The following SBF2 variants were observed in gnomAD, a reference collection of about 807,000 sequenced individuals.
SBF2 encodes the protein myotubularin-related protein 13.
In SBF2, 112 loss-of-function variants were observed where a neutral mutation model predicts 225.2. The observed-to-expected ratio is 0.50, with a 90% confidence interval of 0.43 to 0.58. SBF2 has a LOEUF of 0.58. Ranked by LOEUF, SBF2 falls within the 20% of genes least tolerant of loss-of-function variation. SBF2 has a pLI of 0.00. For missense variants in SBF2, 1,996 were observed against 2,206.2 expected, an observed-to-expected ratio of 0.90 and a Z score of 1.91; for synonymous variants, 763 against 773.3, an observed-to-expected ratio of 0.99 and a Z score of 0.22.
Position 9,828,479 on chromosome 11 carries a change from G to A in SBF2, c.3793+877C>T, listed in dbSNP as rs931170702. 3.3e-5 allele frequency: 33 copies of A among 985,278 alleles called. No homozygotes were observed. The African/African-American group carries it at 5.1e-4, about 15-fold the overall frequency. The allele number at this position is 985,278 out of a possible 1,614,324, so 61.0% of individuals were successfully genotyped here. A position where few individuals can be genotyped will look rare whatever the true frequency, so the allele number is the denominator to read the frequency against. On this transcript the variant is annotated intron_variant, in intron 28 of 39. Transcript: ENST00000256190. Reference sequence around the variant, plus strand: ...ATAAATGGAGCAAGGCATGCATGGTGTTATTTTACAAGAAAAGCCACTTTC... The same window carrying A: ...ATAAATGGAGCAAGGCATGCATGGTATTATTTTACAAGAAAAGCCACTTTC...
At chr11:9,841,975 G>C (rs1856190287) in intron 25 of SBF2, among the ~76,000 whole-genome samples, 1 of 151,976 alleles carries the variant, frequency 6.6e-6, no homozygotes, top group African/African-American at 2.4e-5. Context: ...CTAAGATCCT[G>C]AGGGGAAAAA....
chr11:9,903,713 A>G (rs1454367688), intron 16 of SBF2, among the ~76,000 whole-genome samples: 1 of 152,198 alleles, frequency 6.6e-6, no homozygotes, highest in Non-Finnish European at 1.5e-5. Flanking sequence ...CCCCTTTCCC[A>G]TGATTCTTCC....
intron 1 of SBF2, among the ~76,000 whole-genome samples, chr11:10,236,966 C>A (rs183717431): frequency 2.6e-4 from 39 of 152,048 alleles, no homozygotes; most frequent in African/African-American, 8.9e-4. Flanking sequence ...AAAAAGAAAA[C>A]CAAAAGATAA....
chr11:10,292,551 C>G (rs895898724), intron 1 of SBF2, among the ~76,000 whole-genome samples: 5 of 151,790 alleles, frequency 3.3e-5, no homozygotes, highest in African/African-American at 1.2e-4. Flanking sequence ...TGTTGGCGGG[C>G]GCCTGTAAAT....
chr11:10,093,423 A>G (rs1029868874), intron 2 of SBF2, among the ~76,000 whole-genome samples: 1 of 151,980 alleles, frequency 6.6e-6, no homozygotes, highest in Non-Finnish European at 1.5e-5. Context: ...CCAATCTTGA[A>G]AGAATAAGCT....
At chr11:9,955,799 T>C (rs952419760) in intron 16 of SBF2, among the ~76,000 whole-genome samples, 7 of 152,096 alleles carry the variant, frequency 4.6e-5, no homozygotes, top group South Asian at 2.1e-4. Flanking sequence ...AAGATCCCCA[T>C]GTTTACTGCC....
chr11:9,922,813 C>G (rs898487299), intron 16 of SBF2, among the ~76,000 whole-genome samples: 1 of 152,084 alleles, frequency 6.6e-6, no homozygotes, highest in African/African-American at 2.4e-5. Flanking sequence ...CAATTATAAC[C>G]TTTTACCTCC....
At chr11:10,064,640 C>T (rs7950140) in intron 2 of SBF2, among the ~76,000 whole-genome samples, 78,337 of 151,956 alleles carry the variant, frequency 0.52, 20,617 homozygotes, top group Admixed American at 0.6. Flanking sequence ...AAAGTGGCTA[C>T]ATTAATATCA....
chr11:10,207,096 A>G (rs1392402207), intron 1 of SBF2, among the ~76,000 whole-genome samples: 1 of 152,158 alleles, frequency 6.6e-6, no homozygotes, highest in East Asian at 1.9e-4. Flanking sequence ...GAAAGAAGCC[A>G]GAGAGAAACA....
At chr11:10,187,302 T>C (rs925308113) in intron 2 of SBF2, among the ~76,000 whole-genome samples, 1 of 149,286 alleles carries the variant, frequency 6.7e-6, no homozygotes, top group African/African-American at 2.5e-5. Flanking sequence ...CTCTCCTTTT[T>C]CTCTCCTCTC....
At chr11:10,029,965 G>C (rs1949196417) in intron 4 of SBF2, 90 bp from the exon 5 acceptor site, 1 of 887,418 alleles carries the variant, frequency 1.1e-6, no homozygotes, top group African/African-American at 1.6e-5. Flanking sequence ...ATTTCTCTTT[G>C]AACCCAGTAA....
intron 3 of SBF2, among the ~76,000 whole-genome samples, chr11:10,036,888 T>C (rs1255714100): frequency 3.9e-5 from 6 of 152,224 alleles, no homozygotes. Context: ...TAAAATGAAA[T>C]AGTAACAATA....
At chr11:9,856,317 G>C in intron 19 of SBF2, 141 bp downstream of exon 19, 2 of 1,040,920 alleles carry the variant, frequency 1.9e-6, no homozygotes, top group Non-Finnish European at 3.0e-6. Context: ...GAAAAGCTGA[G>C]CAAGTCCAAA....
intron 1 of SBF2, among the ~76,000 whole-genome samples, chr11:10,223,428 T>TATAC (rs1306960579): frequency 8.7e-6 from 1 of 115,580 alleles, no homozygotes; most frequent in Admixed American, 8.5e-5. Context: ...TATATATATA[T>TATAC]ATATATATAT....
At chr11:9,828,884 T>C (rs973417188) in intron 28 of SBF2, among the ~76,000 whole-genome samples, 1 of 149,672 alleles carries the variant, frequency 6.7e-6, no homozygotes, top group Non-Finnish European at 1.5e-5. Context: ...CCTCTCCAAT[T>C]ACTCTTTTGA....
At chr11:10,098,748 A>C (rs1424000385) in intron 2 of SBF2, among the ~76,000 whole-genome samples, 1 of 151,532 alleles carries the variant, frequency 6.6e-6, no homozygotes, top group African/African-American at 2.4e-5. Context: ...GAACACCATA[A>C]ATGAAATAAA....
At chr11:10,133,826 G>A (rs1016488924) in intron 2 of SBF2, among the ~76,000 whole-genome samples, 4 of 152,214 alleles carry the variant, frequency 2.6e-5, no homozygotes, top group African/African-American at 9.6e-5. Context: ...GGTGCCGAGA[G>A]CAAGCGAGGG....
chr11:9,976,595 G>A (rs1324739610), intron 13 of SBF2, among the ~76,000 whole-genome samples: 2 of 151,890 alleles, frequency 1.3e-5, no homozygotes, highest in South Asian at 2.1e-4. Context: ...GCAACAAAGC[G>A]AGACACCACC....
intron 1 of SBF2, among the ~76,000 whole-genome samples, chr11:10,272,414 C>A (rs1270337702): frequency 6.6e-6 from 1 of 152,188 alleles, no homozygotes; most frequent in Non-Finnish European, 1.5e-5. Flanking sequence ...TAACTTCAAA[C>A]CTCATGAGCC....
Sources: gnomAD v4.1 joint callset for allele counts (sites outside exome capture counted in the v4.1 genomes callset) on GRCh38, gnomAD v4.1.1 for gene constraint, MANE v1.5 for transcripts, NCBI Gene and HGNC (gene_info 2026-07-23, HGNC 2026-07-21) for gene names.